The following SCRG1 variants were observed in gnomAD, a reference collection of about 807,000 sequenced individuals.
The protein encoded by SCRG1 is stimulator of chondrogenesis 1, also known as scrapie-responsive protein 1.
A neutral mutation model predicts 7.7 loss-of-function variants in SCRG1; 3 were observed. The observed-to-expected ratio is 0.39, with a 90% confidence interval of 0.18 to 1.01. The LOEUF (loss-of-function observed/expected upper bound fraction) is 1.01. Among genes scored for constraint, SCRG1 ranks in the 50% least tolerant of loss-of-function variants. The pLI, the probability that SCRG1 is intolerant of heterozygous loss-of-function variation, is 0.36. For missense variants in SCRG1, 110 were observed against 117.2 expected (o/e 0.94, Z 0.28); for synonymous variants, 46 against 41.2 (o/e 1.12, Z -0.44).
chr4:173,445,949 C>A, the SCRG1 span, among the ~76,000 whole-genome samples: 1 of 152,142 alleles, frequency 6.6e-6, no homozygotes, highest in Non-Finnish European at 1.5e-5. Flanking sequence ...CAGGCATGAG[C>A]CACTGCACCT....
intron 1 of SCRG1, among the ~76,000 whole-genome samples, chr4:173,396,728 G>GTGTGTGTGTGTGTA (rs1739615062): frequency 7.4e-6 from 1 of 134,890 alleles, no homozygotes; most frequent in Non-Finnish European, 1.6e-5. Flanking sequence ...GTGTGTGTGT[G>GTGTGTGTGTGTGTA]TGTGTGTGTG....
chr4:173,506,637 A>G, the SCRG1 span, among the ~76,000 whole-genome samples: 2 of 152,056 alleles, frequency 1.3e-5, no homozygotes, highest in African/African-American at 2.4e-5. The surrounding 1 kb of genome is among the most constrained non-coding windows in gnomAD (Gnocchi z 5.3). Flanking sequence ...AGATTTTATT[A>G]CTTCTCTTTT....
At chr4:173,476,495 G>GAA in the SCRG1 span, among the ~76,000 whole-genome samples, 3 of 151,700 alleles carry the variant, frequency 2.0e-5, no homozygotes, top group African/African-American at 4.8e-5. Flanking sequence ...ACAACCTACA[G>GAA]AACCACACGA....
At chr4:173,445,958 C>T in the SCRG1 span, among the ~76,000 whole-genome samples, 1 of 152,146 alleles carries the variant, frequency 6.6e-6, no homozygotes, top group African/African-American at 2.4e-5. Flanking sequence ...GCCACTGCAC[C>T]TGGCCTTTAA....
At chr4:173,488,135 T>TA in the SCRG1 span, among the ~76,000 whole-genome samples, 10 of 99,966 alleles carry the variant, frequency 1.0e-4, no homozygotes, top group African/African-American at 3.4e-4. Context: ...ATAAATAAAT[T>TA]TAAAAAATGG....
chr4:173,404,166 G>A (rs1268561181), exon 3 of SCRG1: 1 of 152,126 alleles, frequency 6.6e-6, no homozygotes, highest in Non-Finnish European at 1.5e-5. Context: ...GCACAAACTG[G>A]AAACCAAGAC....
At chr4:173,448,426 G>A in the SCRG1 span, among the ~76,000 whole-genome samples, 1 of 152,158 alleles carries the variant, frequency 6.6e-6, no homozygotes, top group Non-Finnish European at 1.5e-5. Context: ...TTACCCATCC[G>A]CTCTTGTTGA....
At chr4:173,474,353 G>A in the SCRG1 span, among the ~76,000 whole-genome samples, 1 of 152,070 alleles carries the variant, frequency 6.6e-6, no homozygotes, top group Non-Finnish European at 1.5e-5. Flanking sequence ...TAAGCATTAT[G>A]TAATTAGTGA....
At chr4:173,517,251 A>G in the SCRG1 span, among the ~76,000 whole-genome samples, 10 of 152,310 alleles carry the variant, frequency 6.6e-5, no homozygotes, top group East Asian at 1.9e-3. Context: ...CCCTGCGGTC[A>G]TCGGAGGGGG....
At chr4:173,401,384 T>A (rs190639137), upstream of SCRG1, among the ~76,000 whole-genome samples, 7 of 152,326 alleles carry the variant, frequency 4.6e-5, no homozygotes, top group Middle Eastern at 3.4e-3. Flanking sequence ...CTAGCCTTTA[T>A]TCCACTTTAA....
intron 2 of SCRG1, among the ~76,000 whole-genome samples, chr4:173,389,279 A>C (rs546915950): frequency 1.3e-5 from 2 of 152,250 alleles, no homozygotes; most frequent in East Asian, 3.9e-4. Flanking sequence ...TCACGCCTGT[A>C]ATCCCAGCAC....
the SCRG1 span, among the ~76,000 whole-genome samples, chr4:173,466,465 G>A: frequency 5.3e-5 from 8 of 151,918 alleles, no homozygotes; most frequent in Non-Finnish European, 8.8e-5. Context: ...ACAGTCAAAT[G>A]GCAGAATTAG....
chr4:173,402,496 C>T (rs1403612098), upstream of SCRG1, among the ~76,000 whole-genome samples: 2 of 148,340 alleles, frequency 1.3e-5, no homozygotes, highest in African/African-American at 4.9e-5. Context: ...TTGAGAAAAA[C>T]ACCAAAAAAC....
At position 173,399,060 on chromosome 4, in the gene SCRG1, T is replaced by A. The variant is rs895019827; in HGVS notation, c.-15+8A>T. 6.6e-6 allele frequency: 1 copy of A among 152,182 alleles called. No individual in the cohort carries two copies. Among genetic ancestry groups the A allele is most frequent in the African/African-American group, 2.4e-5 (1 of 41,432 alleles). 9.4% of individuals were successfully genotyped at this position (152,182 alleles called of 1,614,324 possible). A position where few individuals can be genotyped will look rare whatever the true frequency, so the allele number is the denominator to read the frequency against. On this transcript the variant is annotated splice_region_variant and intron_variant, in intron 1 of 2. Transcript: ENST00000296506. ...TAAGATGTTTTTTATAGAGAAAAAA[T>A]TACATACCTTTTTCTTCTTTCCTTT...
the SCRG1 span, among the ~76,000 whole-genome samples, chr4:173,517,336 C>A: frequency 1.3e-5 from 2 of 152,226 alleles, no homozygotes; most frequent in African/African-American, 4.8e-5. Context: ...CCACTTTCAT[C>A]CAGCATGGGC....
At chr4:173,454,408 C>G in the SCRG1 span, among the ~76,000 whole-genome samples, 1 of 151,938 alleles carries the variant, frequency 6.6e-6, no homozygotes, top group African/African-American at 2.4e-5. Context: ...GGCAAGGAGA[C>G]GAAGGGAAGG....
chr4:173,408,459 G>T (rs1578972480), upstream of SCRG1, among the ~76,000 whole-genome samples: 1 of 152,090 alleles, frequency 6.6e-6, no homozygotes, highest in East Asian at 1.9e-4. Flanking sequence ...GTGTTGATTG[G>T]TCCAGTATGG....
At chr4:173,515,068 G>A in the SCRG1 span, among the ~76,000 whole-genome samples, 3 of 152,158 alleles carry the variant, frequency 2.0e-5, no homozygotes, top group Non-Finnish European at 2.9e-5. This position sits in a 1 kb window ranked among gnomAD's most constrained non-coding sequence, Gnocchi z 4.6. Context: ...TAGTGACCAG[G>A]AGAAAGAATG....
At chr4:173,405,111 A>T (rs1481711294) in intron 1 of SCRG1, among the ~76,000 whole-genome samples, 2 of 152,160 alleles carry the variant, frequency 1.3e-5, no homozygotes, top group Non-Finnish European at 2.9e-5. Flanking sequence ...TGCCCAGAAC[A>T]CCACATTACA....
Sources: gnomAD v4.1 joint callset for allele counts (sites outside exome capture counted in the v4.1 genomes callset) on GRCh38, gnomAD v4.1.1 for gene constraint, Gnocchi (gnomAD v3.1) non-coding constraint, MANE v1.5 for transcripts, NCBI Gene and HGNC (gene_info 2026-07-23, HGNC 2026-07-21) for gene names.